GML: variants seen among roughly 807,000 people sequenced by gnomAD.
GML encodes the protein glycosyl-phosphatidylinositol-anchored molecule-like protein.
In GML, 5 loss-of-function variants were observed where a neutral mutation model predicts 8.2. The observed-to-expected ratio is 0.61, with a 90% CI of 0.32 to 1.28. The LOEUF is 1.28. Ranked by LOEUF, GML falls within the 50% of genes most tolerant of loss-of-function variation. The probability of loss-of-function intolerance (pLI) is 0.06; values close to 1 mark genes in which losing one functional copy is unlikely to be tolerated. For missense variants in GML, 191 were observed against 198.3 expected (o/e 0.96, Z 0.22); for synonymous variants, 72 against 69.0 (o/e 1.04, Z -0.22).
intron 3 of GML, 110 bp downstream of exon 3, chr8:142,841,335 T>A: frequency 1.5e-6 from 1 of 688,832 alleles, no homozygotes; most frequent in Non-Finnish European, 2.7e-6. Context: ...CTGTTTCCCC[T>A]TCCCTCATGT....
In GML at chr8:142,840,116, A is replaced by G. The variant is rs113627128; in HGVS notation, c.-22-300A>G. Among the ~76,000 whole-genome samples, 1,065 of 152,256 alleles carry G rather than the reference A, an allele frequency of 7.0e-3. 10 individuals are homozygous for G. The highest frequency in any genetic ancestry group is 0.024 in the African/African-American group (1,005 of 41,546). ...TCAGAATCAACCAGCAGATACAGAA[A>G]CATATTTCGGAGCGTGGGGACCCTT... is the stretch of plus-strand genomic sequence containing the variant. On this transcript the variant is annotated intron_variant, in intron 1 of 3. Transcript: ENST00000220940.
chr8:142,840,056 G>A (rs1816404709), intron 1 of GML, among the ~76,000 whole-genome samples: 2 of 151,942 alleles, frequency 1.3e-5, no homozygotes, highest in South Asian at 4.1e-4. Context: ...AGTGGGCGGA[G>A]TATTTGAGAA....
intron 1 of GML, among the ~76,000 whole-genome samples, chr8:142,835,285 C>CCAGGGT (rs1156796139): frequency 1.2e-4 from 7 of 59,674 alleles, no homozygotes; most frequent in African/African-American, 4.9e-4. Context: ...TCCCTGGGGC[C>CCAGGGT]CCCCTCCCCT....
At chr8:142,838,987 G>A (rs1213693402) in intron 1 of GML, among the ~76,000 whole-genome samples, 1 of 152,162 alleles carries the variant, frequency 6.6e-6, no homozygotes, top group African/African-American at 2.4e-5. Context: ...ATGTGCTCTG[G>A]GCATTGACAG....
chr8:142,842,255 G>A (rs777065977), intron 3 of GML, among the ~76,000 whole-genome samples: 2 of 152,142 alleles, frequency 1.3e-5, no homozygotes, highest in African/African-American at 2.4e-5. Context: ...CCAGCCACGC[G>A]GAACTGTGAG....
chr8:142,839,701 G>A (rs1275762387), intron 1 of GML, among the ~76,000 whole-genome samples: 1 of 152,200 alleles, frequency 6.6e-6, no homozygotes, highest in African/African-American at 2.4e-5. Context: ...GCAGGAGTAA[G>A]GGTGCAGTTG....
chr8:142,841,273 C>T (rs370255613), intron 3 of GML, 48 bp downstream of exon 3: 12 of 970,928 alleles, frequency 1.2e-5, no homozygotes, highest in African/African-American at 1.1e-4. Context: ...AGTCCCCTAC[C>T]TGGGTAGTTT....
chr8:142,839,250 G>T (rs555280515), intron 1 of GML, among the ~76,000 whole-genome samples: 2 of 152,270 alleles, frequency 1.3e-5, no homozygotes, highest in East Asian at 3.9e-4. Context: ...CCCTTCCAAG[G>T]GTGGACACTG....
At chr8:142,845,002 A>G (rs1435699637) in intron 3 of GML, among the ~76,000 whole-genome samples, 2 of 152,228 alleles carry the variant, frequency 1.3e-5, no homozygotes, top group African/African-American at 2.4e-5. Flanking sequence ...TTGCAGCACT[A>G]TTTGGAGTAG....
At chr8:142,839,485 C>T (rs1203158244) in intron 1 of GML, among the ~76,000 whole-genome samples, 1 of 152,204 alleles carries the variant, frequency 6.6e-6, no homozygotes, top group African/African-American at 2.4e-5. Context: ...GCCCCAGCTG[C>T]TCCTGCGGTG....
chr8:142,838,071 G>C (rs1003896956), intron 1 of GML, among the ~76,000 whole-genome samples: 2 of 144,872 alleles, frequency 1.4e-5, no homozygotes, highest in Admixed American at 6.9e-5. Context: ...GGAAGGGCTC[G>C]CCCTCTTCGG....
intron 1 of GML, among the ~76,000 whole-genome samples, chr8:142,836,215 G>C (rs1183255908): frequency 6.6e-6 from 1 of 152,224 alleles, no homozygotes; most frequent in African/African-American, 2.4e-5. Context: ...ATCTGAAGTG[G>C]GGGCATTAGG....
chr8:142,836,538 T>C (rs1816344647), intron 1 of GML, among the ~76,000 whole-genome samples: 1 of 152,382 alleles, frequency 6.6e-6, no homozygotes, highest in South Asian at 2.1e-4. Flanking sequence ...TTGAGTGAAC[T>C]GTGGGTTTAT....
chr8:142,837,439 C>T (rs1310720107), intron 1 of GML, among the ~76,000 whole-genome samples: 2 of 151,978 alleles, frequency 1.3e-5, no homozygotes, highest in Non-Finnish European at 2.9e-5. Context: ...GTGGGTGAAC[C>T]GAGGCTTAGA....
intron 1 of GML, among the ~76,000 whole-genome samples, chr8:142,836,364 TATG>T (rs1378713051): frequency 9.9e-5 from 15 of 152,222 alleles, no homozygotes; most frequent in African/African-American, 3.4e-4. Flanking sequence ...GGGTCAGAAG[TATG>T]GTGGTGTAGA....
At chr8:142,840,895 C>T (rs182499342) in intron 2 of GML, among the ~76,000 whole-genome samples, 4 of 152,282 alleles carry the variant, frequency 2.6e-5, no homozygotes, top group South Asian at 4.1e-4. Flanking sequence ...TCTCTGGAGC[C>T]TGCGTTGGAG....
At chr8:142,837,913 C>G (rs1816366129) in intron 1 of GML, among the ~76,000 whole-genome samples, 2 of 148,772 alleles carry the variant, frequency 1.3e-5, no homozygotes, top group African/African-American at 5.0e-5. Context: ...TCTTTAGGTA[C>G]CTGGAGATTC....
At chr8:142,838,848 A>G (rs924121064) in intron 1 of GML, among the ~76,000 whole-genome samples, 5 of 152,160 alleles carry the variant, frequency 3.3e-5, no homozygotes, top group Admixed American at 3.3e-4. Context: ...GCCCGAGGAA[A>G]TCATACAGTT....
At position 142,846,507 on chromosome 8, in the gene GML, C is replaced by T. The variant is rs1170295403; in HGVS notation, c.294C>T (p.Ser98=). Residue 98 remains serine, a synonymous_variant, in exon 4 of 4, where the codon AGC becomes AGT. Coordinates refer to ENST00000220940, the MANE Select transcript of GML (RefSeq NM_002066.3). ...EAPGKIFKTN[S]FYWVCCCNSM... ...CAGGAAAAATCTTCAAAACTAATAG[C>T]TTCTACTGGGTTTGTTGTTGTAATA... 1.2e-6 allele frequency: 2 copies of T among 1,613,752 alleles called. No individual in the cohort carries two copies. Among genetic ancestry groups the T allele is most frequent in the Admixed American group, 1.7e-5 (1 of 60,022 alleles).
Sources: allele counts gnomAD v4.1 joint callset (sites outside exome capture counted in the v4.1 genomes callset), GRCh38; gene constraint gnomAD v4.1.1; transcripts MANE v1.5; gene names NCBI Gene and HGNC (gene_info 2026-07-23, HGNC 2026-07-21).